CTNNA2: variants seen among roughly 807,000 people sequenced by gnomAD.
CTNNA2 encodes the protein catenin alpha 2.
Under a neutral mutation model 101.0 loss-of-function variants are expected in CTNNA2, and 42 were observed. The ratio of observed to expected loss-of-function variants is 0.42; its 90% CI spans 0.32 to 0.54. CTNNA2 has a LOEUF of 0.54. CTNNA2 is among the 20% of genes least tolerant of loss of function. The pLI, the probability that CTNNA2 is intolerant of heterozygous loss-of-function variation, is 0.14. For synonymous variants in CTNNA2, 450 were observed against 456.4 expected (o/e 0.99, Z 0.18); for missense variants, 871 against 1,223.1 (o/e 0.71, Z 4.29).
At chr2:80,563,539 C>T (rs1693791082) in intron 12 of CTNNA2, among the ~76,000 whole-genome samples, 1 of 152,074 alleles carries the variant, frequency 6.6e-6, no homozygotes, top group Admixed American at 6.6e-5. Context: ...ACCTCCTTGC[C>T]AAATTTTAAA....
rs185173455 is a variant in CTNNA2, at chr2:80,311,088, T to G, written c.1057-82123T>G. ...TGAACTATTAAGTTTTGGGTATACA[T>G]TCTTTCAGAATTTGTCTGCTCTTAT... On this transcript the variant is annotated intron_variant, in intron 7 of 18. Transcript: ENST00000402739. Among the ~76,000 whole-genome samples the G allele has an allele frequency of 1.3e-4, 20 of 152,278 alleles. No homozygotes were observed. In the East Asian group the frequency reaches 3.9e-3, roughly 29 times the overall value.
At chr2:80,560,533 G>C (rs1693488629) in intron 12 of CTNNA2, among the ~76,000 whole-genome samples, 1 of 152,036 alleles carries the variant, frequency 6.6e-6, no homozygotes, top group African/African-American at 2.4e-5. Flanking sequence ...TGGCTTCCTG[G>C]TGACTGCACT....
chr2:79,376,122 G>T (rs1165059486), intron 4 of CTNNA2, among the ~76,000 whole-genome samples: 3 of 152,176 alleles, frequency 2.0e-5, no homozygotes, highest in Non-Finnish European at 4.4e-5. Flanking sequence ...TTAAGCAGAA[G>T]ATGGTAGATG....
chr2:79,227,007 G>A (rs1308227537), intron 2 of CTNNA2, among the ~76,000 whole-genome samples: 1 of 151,696 alleles, frequency 6.6e-6, no homozygotes, highest in East Asian at 1.9e-4. Context: ...AAAAAATCAA[G>A]CCTCCAGCTT....
intron 7 of CTNNA2, among the ~76,000 whole-genome samples, chr2:80,281,180 T>C (rs1179110020): frequency 6.6e-6 from 1 of 152,152 alleles, no homozygotes; most frequent in Non-Finnish European, 1.5e-5. Context: ...TATTCAGAAA[T>C]GTCCCTGGAT....
intron 2 of CTNNA2, among the ~76,000 whole-genome samples, chr2:79,678,232 A>G (rs899776603): frequency 2.6e-5 from 4 of 152,116 alleles, no homozygotes; most frequent in African/African-American, 9.7e-5. Context: ...GTATCATCAC[A>G]TTTTAAGGTA....
chr2:79,743,255 A>C lies in CTNNA2; in HGVS notation c.103-1132A>C, dbSNP rs968540386. 9.2e-5 allele frequency among the ~76,000 whole-genome samples: 14 copies of C among 152,254 alleles called. No individual in the cohort carries two copies. The East Asian group carries it at 2.7e-3, about 29-fold the overall frequency. On this transcript the variant is annotated intron_variant, in intron 2 of 18. Coordinates refer to ENST00000402739, the MANE Select transcript of CTNNA2 (RefSeq NM_001282597.3). Reference sequence around the variant, plus strand: ...GAACAGTTGCATTCATTTCCCCTCCAAACTTCTCACTGGTAGAAAATAAAG... The same window carrying C: ...GAACAGTTGCATTCATTTCCCCTCCCAACTTCTCACTGGTAGAAAATAAAG...
intron 7 of CTNNA2, among the ~76,000 whole-genome samples, chr2:79,916,848 C>T (rs1244693710): frequency 1.3e-5 from 2 of 151,954 alleles, no homozygotes; most frequent in Non-Finnish European, 2.9e-5. Context: ...TGGTCTCGAT[C>T]TCCTGACCTA....
At chr2:79,348,218 T>G (rs868143389) in intron 3 of CTNNA2, among the ~76,000 whole-genome samples, 5 of 152,158 alleles carry the variant, frequency 3.3e-5, no homozygotes, top group African/African-American at 4.8e-5. Context: ...ACTATATTGT[T>G]CTATTGGCAT....
chr2:79,667,018 A>G (rs10175610), intron 2 of CTNNA2, among the ~76,000 whole-genome samples: 33,615 of 152,132 alleles, frequency 0.22, 4,021 homozygotes, highest in Admixed American at 0.27. Context: ...CTGAAAGAAG[A>G]AGCAAAAATA....
At chr2:80,213,050 A>G (rs1573407264) in intron 7 of CTNNA2, among the ~76,000 whole-genome samples, 1 of 152,060 alleles carries the variant, frequency 6.6e-6, no homozygotes, top group African/African-American at 2.4e-5. Flanking sequence ...CTGTGGGATC[A>G]GTGGTGATAT....
At chr2:79,358,049 A>T (rs1209788067) in intron 3 of CTNNA2, among the ~76,000 whole-genome samples, 3 of 152,054 alleles carry the variant, frequency 2.0e-5, no homozygotes, top group Non-Finnish European at 2.9e-5. Context: ...AATCCTTTTT[A>T]AAAAAACCAA....
intron 7 of CTNNA2, among the ~76,000 whole-genome samples, chr2:80,094,007 T>G (rs995116770): frequency 5.6e-4 from 85 of 152,290 alleles, no homozygotes; most frequent in Middle Eastern, 3.4e-3. Context: ...CTCTTTAGTT[T>G]AATTAGATCC....
chr2:80,062,216 T>C (rs560417335), intron 7 of CTNNA2, among the ~76,000 whole-genome samples: 1 of 152,366 alleles, frequency 6.6e-6, no homozygotes, highest in East Asian at 1.9e-4. Context: ...ATGCCAGTGT[T>C]TCTTCTGGAA....
intron 1 of CTNNA2, among the ~76,000 whole-genome samples, chr2:79,587,385 C>T (rs538751213): frequency 2.5e-4 from 38 of 152,144 alleles, no homozygotes; most frequent in African/African-American, 8.9e-4. Flanking sequence ...ATGCCCAAGG[C>T]AGAGAGGCAG....
intron 7 of CTNNA2, among the ~76,000 whole-genome samples, chr2:80,051,518 A>G (rs1812391): frequency 0.2 from 30,892 of 152,182 alleles, 3,765 homozygotes; most frequent in Non-Finnish European, 0.27. Flanking sequence ...TTTTTGCTGC[A>G]AAGTGGTATA....
intron 7 of CTNNA2, among the ~76,000 whole-genome samples, chr2:80,183,633 T>C (rs1705931176): frequency 6.6e-6 from 1 of 152,216 alleles, no homozygotes; most frequent in Non-Finnish European, 1.5e-5. Flanking sequence ...CTTCCATTGC[T>C]CACTGCAGCC....
At chr2:79,761,864 T>C (rs1411127736) in intron 3 of CTNNA2, among the ~76,000 whole-genome samples, 3 of 152,214 alleles carry the variant, frequency 2.0e-5, no homozygotes, top group African/African-American at 7.2e-5. Context: ...ATGGTAGCAG[T>C]CATCTGCAAT....
At chr2:79,907,697 A>G (rs762678122) in intron 6 of CTNNA2, among the ~76,000 whole-genome samples, 8 of 152,226 alleles carry the variant, frequency 5.3e-5, no homozygotes, top group Non-Finnish European at 8.8e-5. Context: ...TTTCTAAGAT[A>G]TAAGAGAGTA....
Sources: allele counts gnomAD v4.1 joint callset (sites outside exome capture counted in the v4.1 genomes callset), GRCh38; gene constraint gnomAD v4.1.1; transcripts MANE v1.5; gene names NCBI Gene and HGNC (gene_info 2026-07-23, HGNC 2026-07-21).